TBCK: variants seen among roughly 807,000 people sequenced by gnomAD.
TBCK encodes the protein TBC1 domain containing kinase, also known as TBC domain-containing protein kinase-like protein.
TBCK carries 99 observed loss-of-function variants against 113.4 expected under a neutral mutation model. That is an observed-to-expected ratio of 0.87 (90% CI 0.74 to 1.03). The LOEUF (loss-of-function observed/expected upper bound fraction) is 1.03, where lower values mean the gene tolerates loss of function less well. Among genes scored for constraint, TBCK ranks in the 50% least tolerant of loss-of-function variants. The probability of loss-of-function intolerance (pLI) is 0.00; values close to 1 mark genes in which losing one functional copy is unlikely to be tolerated. For synonymous variants in TBCK, 369 were observed against 370.8 expected (o/e 1.00, Z 0.05); for missense variants, 1,045 against 1,061.3 (o/e 0.98, Z 0.21).
In TBCK at chr4:106,235,291, C is replaced by T; in HGVS notation, c.1427G>A (p.Trp476Ter). 1 of 1,606,968 alleles carries T rather than the reference C, an allele frequency of 6.2e-7. No homozygotes were observed. The highest frequency in any genetic ancestry group is 8.5e-7 in the Non-Finnish European group (1 of 1,177,222). Residue 476 changes from tryptophan (W) to a stop codon, truncating the protein, a stop_gained, in exon 15 of 26, where the codon TGG becomes TAG. Coordinates refer to ENST00000394708, the MANE Select transcript of TBCK (RefSeq NM_001163435.3). LOFTEE classifies it high-confidence loss of function. Reference sequence around the variant, plus strand: ...TACCTCAACTCCCAGAAGAGCAGCCCAGGTTAAACCTCTCATAAGAGGAGG... The same window carrying T: ...TACCTCAACTCCCAGAAGAGCAGCCTAGGTTAAACCTCTCATAAGAGGAGG... ...DIPPLMRGLT[W>*]AALLGVEGAI... is the part of the protein sequence containing the mutation.
intron 24 of TBCK, among the ~76,000 whole-genome samples, chr4:106,106,088 TAA>T (rs887541459): frequency 7.5e-6 from 1 of 133,198 alleles, no homozygotes; most frequent in African/African-American, 2.8e-5. Context: ...CAGACTAAAA[TAA>T]AAAAAAAAAG....
intron 23 of TBCK, among the ~76,000 whole-genome samples, chr4:106,167,520 T>C (rs1750535811): frequency 1.3e-5 from 2 of 150,150 alleles, no homozygotes; most frequent in East Asian, 2.0e-4. Flanking sequence ...AGAAGAAAAA[T>C]AAAAATCAGA....
At chr4:106,260,155 A>C (rs934997987) in intron 5 of TBCK, among the ~76,000 whole-genome samples, 1 of 151,926 alleles carries the variant, frequency 6.6e-6, no homozygotes, top group Non-Finnish European at 1.5e-5. Context: ...AGTTGATTTG[A>C]TTCTGAATGA....
chr4:106,047,259 T>C (rs1457704819), intron 25 of TBCK, among the ~76,000 whole-genome samples: 3 of 152,174 alleles, frequency 2.0e-5, no homozygotes, highest in Non-Finnish European at 4.4e-5. Flanking sequence ...CAAGAGGACT[T>C]TGTAAAAGTT....
intron 22 of TBCK, among the ~76,000 whole-genome samples, chr4:106,183,895 C>T (rs73838134): frequency 0.018 from 2,759 of 152,072 alleles, 76 homozygotes; most frequent in African/African-American, 0.061. Context: ...TGATCCTTCT[C>T]ATGTATTTAG....
intron 25 of TBCK, among the ~76,000 whole-genome samples, chr4:106,075,838 T>C (rs945956340): frequency 1.3e-5 from 2 of 152,270 alleles, no homozygotes; most frequent in South Asian, 4.1e-4. Flanking sequence ...CTAAGCATGT[T>C]AGCACATACA....
chr4:106,271,179 G>T (rs1207555831), intron 3 of TBCK, among the ~76,000 whole-genome samples: 4 of 152,046 alleles, frequency 2.6e-5, no homozygotes, highest in Admixed American at 6.6e-5. Flanking sequence ...TAGACTTTCA[G>T]TTCTCAATAC....
chr4:106,217,353 G>C (rs948801823), intron 19 of TBCK, among the ~76,000 whole-genome samples: 1 of 152,096 alleles, frequency 6.6e-6, no homozygotes, highest in East Asian at 1.9e-4. Flanking sequence ...ACATAGTGTT[G>C]GAAGTTCTGG....
chr4:106,066,236 A>T (rs2149468438), intron 25 of TBCK, among the ~76,000 whole-genome samples: 1 of 152,142 alleles, frequency 6.6e-6, no homozygotes, highest in East Asian at 1.9e-4. Flanking sequence ...GTATGACAAA[A>T]GACACTCCAG....
chr4:106,275,176 ATC>A (rs1763896334), intron 3 of TBCK, among the ~76,000 whole-genome samples: 1 of 152,186 alleles, frequency 6.6e-6, no homozygotes, highest in Admixed American at 6.5e-5. Context: ...AAGAAGAAAA[ATC>A]ATATCATAGT....
At chr4:106,231,630 G>A in intron 18 of TBCK, 99 bp downstream of exon 18, 1 of 1,026,184 alleles carries the variant, frequency 9.7e-7, no homozygotes, top group South Asian at 1.5e-5. Context: ...ACCAGGGAGA[G>A]AATAAGAGCC....
intron 23 of TBCK, among the ~76,000 whole-genome samples, chr4:106,152,219 C>T (rs762800232): frequency 1.3e-4 from 19 of 151,876 alleles, no homozygotes; most frequent in South Asian, 4.1e-4. Context: ...CATTATGGTC[C>T]GTCATGTATG....
At chr4:106,130,655 T>C (rs1448161209) in intron 23 of TBCK, among the ~76,000 whole-genome samples, 2 of 151,678 alleles carry the variant, frequency 1.3e-5, no homozygotes, top group Non-Finnish European at 2.9e-5. Flanking sequence ...AAAGTGGTTA[T>C]TTCTGAGTAG....
chr4:106,233,459 C>T, intron 16 of TBCK, 129 bp downstream of exon 16: 1 of 709,764 alleles, frequency 1.4e-6, no homozygotes, highest in Non-Finnish European at 2.4e-6. Context: ...GTTATGGTTT[C>T]TCTAACAATA....
chr4:106,104,921 G>A (rs1253866775), intron 24 of TBCK, among the ~76,000 whole-genome samples: 1 of 152,232 alleles, frequency 6.6e-6, no homozygotes, highest in Non-Finnish European at 1.5e-5. Flanking sequence ...AAAGTGGGCA[G>A]ACTATTACAT....
chr4:106,053,666 G>T (rs1299249376), intron 25 of TBCK, among the ~76,000 whole-genome samples: 3 of 151,510 alleles, frequency 2.0e-5, no homozygotes, highest in African/African-American at 7.2e-5. Context: ...TATCTTCCCT[G>T]GAATTTAAAC....
At chr4:106,308,669 G>T in intron 2 of TBCK, 99 bp downstream of exon 2, 1 of 1,090,106 alleles carries the variant, frequency 9.2e-7, no homozygotes, top group Non-Finnish European at 1.3e-6. Context: ...TGTGTGCACT[G>T]GTACTGATGA....
At chr4:106,203,269 CATATATATTTTCACAT>C (rs1755081797) in intron 20 of TBCK, among the ~76,000 whole-genome samples, 1 of 88,424 alleles carries the variant, frequency 1.1e-5, no homozygotes, top group South Asian at 3.7e-4. Context: ...GACATATACA[CATATATATTTTCACAT>C]ATATATATAT....
chr4:106,237,610 G>T, intron 12 of TBCK: 1 of 440,778 alleles, frequency 2.3e-6, no homozygotes, highest in Non-Finnish European at 4.6e-6. Context: ...TAGAGTCTTT[G>T]TGCACCCATG....
Sources: allele counts gnomAD v4.1 joint callset (sites outside exome capture counted in the v4.1 genomes callset), GRCh38; gene constraint gnomAD v4.1.1; transcripts MANE v1.5; gene names NCBI Gene and HGNC (gene_info 2026-07-23, HGNC 2026-07-21).